Variants in KIFC3 observed in about 807,000 individuals in gnomAD.
KIFC3 encodes kinesin family member C3.
KIFC3 carries 60 observed loss-of-function variants against 101.8 expected under a neutral mutation model. The observed-to-expected ratio is 0.59, with a 90% CI of 0.48 to 0.73. KIFC3 has a LOEUF of 0.73. Ranked by LOEUF, KIFC3 falls within the 30% of genes least tolerant of loss-of-function variation. KIFC3 has a pLI of 0.00. For synonymous variants in KIFC3, 476 were observed against 482.7 expected (o/e 0.99, Z 0.18); for missense variants, 966 against 1,137.1 (o/e 0.85, Z 2.16).
rs781920133 is a variant in KIFC3, at chr16:57,761,161, A to C, written c.1883T>G (p.Phe628Cys). 1 of 1,613,880 alleles carries C rather than the reference A, an allele frequency of 6.2e-7. No individual in the cohort carries two copies. The highest frequency in any genetic ancestry group is 1.1e-5 in the South Asian group (1 of 91,080). The change falls in exon 15 of 20, where the codon TTT becomes TGT. Residue 628 changes from phenylalanine to cysteine, a missense_variant. Phe to Cys is a radical substitution (Grantham distance 205). Coordinates refer to ENST00000445690, the MANE Select transcript of KIFC3 (RefSeq NM_001130100.2). ...SVDDINKVFE[F>C]GHTNRTTEFT... ...CTCGGTCGTGCGATTAGTGTGGCCA[A>C]ACTCAAACACCTGGGGGATTGGGAG...
chr16:57,784,994 G>C (rs9928445), intron 3 of KIFC3, among the ~76,000 whole-genome samples: 1,754 of 152,306 alleles, frequency 0.012, 31 homozygotes, highest in African/African-American at 0.04. Context: ...ACTCAAACTA[G>C]CATCCACCTT....
At chr16:57,807,904 T>C (rs1216634714), upstream of KIFC3, 5 of 122,392 alleles carry the variant, frequency 4.1e-5, no homozygotes, top group African/African-American at 1.3e-4. Flanking sequence ...TACTCCAGCC[T>C]GGGCAACAGA....
chr16:57,832,321 CTTTTTTTTTTTTT>C (rs1165977084), intron 1 of KIFC3, among the ~76,000 whole-genome samples: 4 of 73,492 alleles, frequency 5.4e-5, no homozygotes, highest in African/African-American at 6.0e-5. Flanking sequence ...GCGCCAGGCC[CTTTTTTTTTTTTT>C]TTTTTTTTTT....
chr16:57,861,953 T>C (rs1245999313), intron 1 of KIFC3, among the ~76,000 whole-genome samples: 1 of 151,952 alleles, frequency 6.6e-6, no homozygotes, highest in Non-Finnish European at 1.5e-5. Flanking sequence ...TGCCTCAAAA[T>C]AATAATAGTA....
At chr16:57,809,519 G>A (rs1416701484) in intron 1 of KIFC3, among the ~76,000 whole-genome samples, 2 of 152,164 alleles carry the variant, frequency 1.3e-5, no homozygotes, top group African/African-American at 4.8e-5. Context: ...TGACTGAGCT[G>A]GCCATTCCGT....
chr16:57,802,906 C>T, upstream of KIFC3: 2 of 1,422,742 alleles, frequency 1.4e-6, no homozygotes, highest in Non-Finnish European at 1.9e-6. The surrounding 1 kb of genome is among the most constrained non-coding windows in gnomAD (Gnocchi z 5.0). Flanking sequence ...CTCACGCGGG[C>T]TCTCATACCA....
chr16:57,831,758 T>C (rs948981600), intron 1 of KIFC3, among the ~76,000 whole-genome samples: 1 of 152,196 alleles, frequency 6.6e-6, no homozygotes, highest in African/African-American at 2.4e-5. Flanking sequence ...TCTCCGTGGA[T>C]ACAGCTGGTG....
intron 1 of KIFC3, among the ~76,000 whole-genome samples, chr16:57,847,758 ATT>A (rs1335262214): frequency 2.6e-4 from 29 of 113,508 alleles, no homozygotes; most frequent in African/African-American, 9.7e-4. Context: ...TGCCAGATGA[ATT>A]TGTGTGTGTG....
chr16:57,779,053 C>T (rs180874890), intron 3 of KIFC3, among the ~76,000 whole-genome samples: 1 of 152,316 alleles, frequency 6.6e-6, no homozygotes, highest in African/African-American at 2.4e-5. Context: ...ATTGAACTAT[C>T]ATATGATCCA....
intron 1 of KIFC3, chr16:57,817,055 AAC>A: frequency 3.3e-6 from 1 of 300,956 alleles, no homozygotes; most frequent in Non-Finnish European, 6.5e-6. Flanking sequence ...CATGGCTTAA[AAC>A]AACAAAAACG....
At chr16:57,759,955 T>A (rs2049631705) in intron 17 of KIFC3, 119 bp from the exon 18 acceptor site, 1 of 710,362 alleles carries the variant, frequency 1.4e-6, no homozygotes, top group Non-Finnish European at 2.3e-6. Flanking sequence ...ATCTGCAAAA[T>A]GGGCATGATG....
intron 9 of KIFC3, among the ~76,000 whole-genome samples, chr16:57,767,490 C>T (rs1207698932): frequency 1.3e-5 from 2 of 152,204 alleles, no homozygotes; most frequent in Non-Finnish European, 2.9e-5. Context: ...ACAAATCACA[C>T]ATCCCCTTTC....
intron 9 of KIFC3, 46 bp from the exon 10 acceptor site, chr16:57,767,031 C>T (rs1555603687): frequency 6.5e-7 from 1 of 1,527,462 alleles, no homozygotes; most frequent in African/African-American, 1.4e-5. Context: ...CTCCATCAGC[C>T]TTACCGGCCT....
chr16:57,762,873 CT>C (rs1597883804), intron 12 of KIFC3, among the ~76,000 whole-genome samples: 1 of 152,210 alleles, frequency 6.6e-6, no homozygotes, highest in East Asian at 1.9e-4. Context: ...TCAGGTGCCC[CT>C]GGCATGCTCT....
intron 18 of KIFC3, chr16:57,759,511 C>G (rs1211874195): frequency 1.5e-5 from 9 of 581,210 alleles, no homozygotes; most frequent in Admixed American, 3.2e-5. Flanking sequence ...TACACTGCCC[C>G]CTTCCCACAG....
In KIFC3 at chr16:57,858,303, G is replaced by C. The variant is rs2113269; in HGVS notation, c.108+4426C>G. ...AAATGTCCATTATATGTCTTCCCGG[G>C]CGCAGAGCACTTCGCCCCTAGGAGA... is the stretch of plus-strand genomic sequence containing the variant. On this transcript the variant is annotated intron_variant, in intron 1 of 2. Transcript: ENST00000563028. Among the ~76,000 whole-genome samples the C allele has an allele frequency of 8.5e-3, 1,296 of 152,228 alleles. 13 individuals are homozygous for C. Among genetic ancestry groups the C allele is most frequent in the African/African-American group, 0.029 (1,211 of 41,520 alleles).
chr16:57,771,445 C>T lies in KIFC3; in HGVS notation c.526-8G>A, dbSNP rs782452762. The T allele has an allele frequency of 1.2e-6, 2 of 1,613,502 alleles. No homozygotes were observed. Among genetic ancestry groups the T allele is most frequent in the Non-Finnish European group, 1.7e-6 (2 of 1,179,970 alleles). ...ACGGAGCTGGGCGCTCTCCTGCAGC[C>T]ATTGGGAGGCACTGGATGAGTGCAA... On this transcript the variant is annotated splice_region_variant and splice_polypyrimidine_tract_variant and intron_variant, in intron 5 of 19. Coordinates refer to ENST00000445690, the MANE Select transcript of KIFC3 (RefSeq NM_001130100.2).
chr16:57,813,710 CG>C (rs1309506708), intron 1 of KIFC3: 90 of 984,402 alleles, frequency 9.1e-5, no homozygotes, highest in Non-Finnish European at 9.9e-5. Context: ...TCCCTGCACC[CG>C]GGCACCACTC....
chr16:57,795,001 G>T lies in KIFC3; in HGVS notation c.313C>A (p.Gln105Lys). The change falls in exon 3 of 20, where the codon CAG becomes AAG. Residue 105 changes from glutamine (Q) to lysine (K), a missense_variant and splice_region_variant. Gln to Lys is a moderately conservative substitution (Grantham distance 53, BLOSUM62 1). This residue lies in a region of KIFC3 where 277 missense variants were observed against 252.5 expected (regional missense o/e 1.10). Coordinates refer to ENST00000445690, the MANE Select transcript of KIFC3 (RefSeq NM_001130100.2). Reference sequence around the variant, plus strand: ...GCCTGGAAGGCCCCAGTGCTTACCTGCAGGGTCAGGTAGAGCCCGTGGGGG... The same window carrying T: ...GCCTGGAAGGCCCCAGTGCTTACCTTCAGGGTCAGGTAGAGCCCGTGGGGG... The part of the protein sequence containing the change: ...GSPHGLYLTL[Q>K]VEHLKEKLIS... 1 of 1,574,690 alleles carries T rather than the reference G, an allele frequency of 6.4e-7. No homozygotes were observed.
Sources: gnomAD v4.1 joint callset for allele counts (sites outside exome capture counted in the v4.1 genomes callset) on GRCh38, gnomAD v4.1.1 for gene constraint, gnomAD v4.1.1 regional missense constraint, Gnocchi (gnomAD v3.1) non-coding constraint, MANE v1.5 for transcripts, NCBI Gene and HGNC (gene_info 2026-07-23, HGNC 2026-07-21) for gene names.